MACROD2: variants seen among roughly 807,000 people sequenced by gnomAD.
MACROD2 encodes the protein mono-ADP ribosylhydrolase 2, also known as ADP-ribose glycohydrolase MACROD2.
A neutral mutation model predicts 70.4 loss-of-function variants in MACROD2; 36 were observed. The ratio of observed to expected loss-of-function variants is 0.51; its 90% confidence interval spans 0.39 to 0.68. The LOEUF (loss-of-function observed/expected upper bound fraction) is 0.68. Ranked by LOEUF, MACROD2 falls within the 30% of genes least tolerant of loss-of-function variation. The pLI is 0.00. For synonymous variants in MACROD2, 172 were observed against 178.8 expected (o/e 0.96, Z 0.30); for missense variants, 496 against 538.4 (o/e 0.92, Z 0.78).
chr20:14,280,533 A>G (rs1354891808), intron 3 of MACROD2, among the ~76,000 whole-genome samples: 1 of 152,172 alleles, frequency 6.6e-6, no homozygotes, highest in Non-Finnish European at 1.5e-5. Flanking sequence ...GTATCTGACT[A>G]GGACCAAGGA....
chr20:14,350,633 G>T (rs918563021), intron 3 of MACROD2, among the ~76,000 whole-genome samples: 2 of 152,024 alleles, frequency 1.3e-5, no homozygotes, highest in Admixed American at 6.5e-5. Context: ...GAGTTCTTGA[G>T]CTCCTTGTAT....
At position 15,542,951 on chromosome 20, in the gene MACROD2, G is replaced by T. The variant is rs112849130; in HGVS notation, c.645+43104G>T. On this transcript the variant is annotated intron_variant, in intron 8 of 17. Transcript: ENST00000684519. ...TCCGAGTCTACCCCACTGGCAGAGG[G>T]TGAGGACGTGGGAAATGAAGAGGTC... 1.0e-3 allele frequency among the ~76,000 whole-genome samples: 159 copies of T among 152,306 alleles called. 1 individual carries two copies. Among genetic ancestry groups the T allele is most frequent in the African/African-American group, 3.5e-3 (147 of 41,572 alleles).
intron 5 of MACROD2, among the ~76,000 whole-genome samples, chr20:15,096,966 C>T (rs766296681): frequency 6.6e-5 from 10 of 151,674 alleles, no homozygotes; most frequent in Non-Finnish European, 1.0e-4. Context: ...TGCTCGCCAC[C>T]ACGCCCAGTT....
intron 8 of MACROD2, among the ~76,000 whole-genome samples, chr20:15,586,598 A>G (rs1334321633): frequency 6.6e-6 from 1 of 152,214 alleles, no homozygotes; most frequent in African/African-American, 2.4e-5. Context: ...GAACATTTCC[A>G]CAGAAGGAAT....
chr20:15,781,034 G>A (rs1239525435), intron 8 of MACROD2, among the ~76,000 whole-genome samples: 1 of 152,038 alleles, frequency 6.6e-6, no homozygotes, highest in Non-Finnish European at 1.5e-5. Context: ...GATTCAGCAT[G>A]CTTAATAAAC....
chr20:15,263,718 TTTATACTGC>T lies in MACROD2; in HGVS notation c.540+33659_540+33667del, dbSNP rs149755549. On this transcript the variant is annotated intron_variant, in intron 6 of 17. Coordinates refer to ENST00000684519, the MANE Select transcript of MACROD2 (RefSeq NM_001351661.2). ...CCTCTTCAATTTTCTGCATCAATAC[TTTATACTGC>T]TCATTGTAGAGATCTTTCACTTCTT... is the stretch of plus-strand genomic sequence containing the variant. Among the ~76,000 whole-genome samples the T allele has an allele frequency of 2.6e-3, 398 of 152,240 alleles. 1 individual carries two copies. The highest frequency in any genetic ancestry group is 9.2e-3 in the African/African-American group (383 of 41,548).
chr20:15,169,687 C>T (rs958835680), intron 5 of MACROD2, among the ~76,000 whole-genome samples: 3 of 152,124 alleles, frequency 2.0e-5, no homozygotes, highest in African/African-American at 7.2e-5. Context: ...TGTCCTGTTC[C>T]AGTATATCTG....
At chr20:14,505,078 A>G (rs926693592) in intron 4 of MACROD2, among the ~76,000 whole-genome samples, 1 of 152,208 alleles carries the variant, frequency 6.6e-6, no homozygotes, top group Admixed American at 6.5e-5. Context: ...TGATTACTCT[A>G]AGGATACTTT....
At chr20:14,944,987 G>T (rs762252325) in intron 5 of MACROD2, among the ~76,000 whole-genome samples, 1 of 152,068 alleles carries the variant, frequency 6.6e-6, no homozygotes, top group Non-Finnish European at 1.5e-5. Context: ...CAAGTGACTT[G>T]GTTTTCCTGC....
At chr20:15,347,683 G>A (rs973505989) in intron 6 of MACROD2, among the ~76,000 whole-genome samples, 1 of 152,092 alleles carries the variant, frequency 6.6e-6, no homozygotes, top group African/African-American at 2.4e-5. Context: ...ATGATATAAT[G>A]TAATACAGTA....
chr20:15,915,518 C>A (rs1456769389), intron 10 of MACROD2, among the ~76,000 whole-genome samples: 1 of 152,200 alleles, frequency 6.6e-6, no homozygotes, highest in African/African-American at 2.4e-5. Flanking sequence ...GTCAAACCCA[C>A]CTTTACATAT....
chr20:14,192,150 G>C (rs1425934430), intron 3 of MACROD2, among the ~76,000 whole-genome samples: 5 of 152,002 alleles, frequency 3.3e-5, no homozygotes, highest in Non-Finnish European at 7.4e-5. Context: ...CATATTCCTA[G>C]TTGGAAGTTT....
intron 8 of MACROD2, among the ~76,000 whole-genome samples, chr20:15,639,454 C>T (rs923006607): frequency 2.0e-5 from 3 of 152,156 alleles, no homozygotes; most frequent in Non-Finnish European, 2.9e-5. Flanking sequence ...AGTTCCTACT[C>T]CCTACTCTCC....
chr20:14,120,552 A>C (rs954088220), intron 3 of MACROD2, among the ~76,000 whole-genome samples: 5 of 151,976 alleles, frequency 3.3e-5, no homozygotes, highest in African/African-American at 1.2e-4. Context: ...AAATCATTCT[A>C]CTATAAAGAC....
At chr20:14,533,760 T>C (rs1252580100) in intron 4 of MACROD2, among the ~76,000 whole-genome samples, 1 of 152,220 alleles carries the variant, frequency 6.6e-6, no homozygotes, top group East Asian at 1.9e-4. Context: ...TTTGCAAATA[T>C]TTTCATTGGA....
intron 6 of MACROD2, among the ~76,000 whole-genome samples, chr20:15,313,506 C>CAAAAA (rs11314563): frequency 2.3e-5 from 2 of 86,226 alleles, no homozygotes; most frequent in Admixed American, 1.2e-4. Context: ...GACTCCGTCT[C>CAAAAA]AAAAAAAAAA....
chr20:15,123,854 A>T (rs911101867), intron 5 of MACROD2, among the ~76,000 whole-genome samples: 5 of 152,190 alleles, frequency 3.3e-5, no homozygotes, highest in African/African-American at 1.2e-4. Flanking sequence ...ACACACATAC[A>T]AATGTATATG....
intron 5 of MACROD2, among the ~76,000 whole-genome samples, chr20:14,825,779 G>T (rs956375219): frequency 6.6e-6 from 1 of 152,052 alleles, no homozygotes; most frequent in African/African-American, 2.4e-5. Flanking sequence ...TTAAATTCTT[G>T]CTCATTAGTG....
At chr20:15,830,909 A>C (rs2064049027) in intron 8 of MACROD2, among the ~76,000 whole-genome samples, 1 of 152,228 alleles carries the variant, frequency 6.6e-6, no homozygotes, top group South Asian at 2.1e-4. Flanking sequence ...TTTTCTTAGA[A>C]TATTTGCAGT....
Sources: allele counts gnomAD v4.1 joint callset (sites outside exome capture counted in the v4.1 genomes callset), GRCh38; gene constraint gnomAD v4.1.1; transcripts MANE v1.5; gene names NCBI Gene and HGNC (gene_info 2026-07-23, HGNC 2026-07-21).